The following WDR59 variants were observed in gnomAD, a reference collection of about 807,000 sequenced individuals.
The protein encoded by WDR59 is WD repeat domain 59.
A neutral mutation model predicts 131.2 loss-of-function variants in WDR59; 100 were observed. The observed-to-expected ratio is 0.76, with a 90% confidence interval of 0.65 to 0.90. The LOEUF (loss-of-function observed/expected upper bound fraction) is 0.90. Among genes scored for constraint, WDR59 ranks in the 40% least tolerant of loss-of-function variants. WDR59 has a pLI of 0.00. For synonymous variants in WDR59, 601 were observed against 466.2 expected, an observed-to-expected ratio of 1.29 and a Z score of -3.72; for missense variants, 1,203 against 1,262.2, an observed-to-expected ratio of 0.95 and a Z score of 0.71.
chr16:74,953,727 C>A (rs1476183581), intron 3 of WDR59, among the ~76,000 whole-genome samples: 1 of 151,084 alleles, frequency 6.6e-6, no homozygotes, highest in East Asian at 2.0e-4. Flanking sequence ...CAAGGCCGGG[C>A]GTGGTGTCTC....
chr16:74,947,532 T>C (rs1173613543), intron 6 of WDR59, among the ~76,000 whole-genome samples: 1 of 152,126 alleles, frequency 6.6e-6, no homozygotes, highest in Non-Finnish European at 1.5e-5. Flanking sequence ...ATGAGAAATA[T>C]ATCAACCACT....
chr16:74,879,388 C>T (rs1273041676), intron 25 of WDR59, among the ~76,000 whole-genome samples: 1 of 152,054 alleles, frequency 6.6e-6, no homozygotes, highest in Non-Finnish European at 1.5e-5. Context: ...AACAAATAAG[C>T]TGACAGCATT....
chr16:74,910,395 G>A (rs1226475445), intron 14 of WDR59, among the ~76,000 whole-genome samples: 2 of 152,146 alleles, frequency 1.3e-5, no homozygotes, highest in African/African-American at 4.8e-5. Flanking sequence ...GTTAAAACAG[G>A]ATTCACTCCT....
At chr16:74,878,410 T>G (rs996179371) in intron 25 of WDR59, among the ~76,000 whole-genome samples, 5 of 152,222 alleles carry the variant, frequency 3.3e-5, no homozygotes, top group Non-Finnish European at 1.5e-5. Flanking sequence ...TCTCAGCACT[T>G]TGGGAGGCCA....
intron 18 of WDR59, among the ~76,000 whole-genome samples, chr16:74,899,920 A>C (rs1965468240): frequency 6.6e-6 from 1 of 152,168 alleles, no homozygotes; most frequent in Non-Finnish European, 1.5e-5. Context: ...TCTGAACCTA[A>C]GCACAGCGGA....
intron 18 of WDR59, 39 bp from the exon 19 acceptor site, chr16:74,893,851 G>A (rs1375446639): frequency 1.9e-6 from 3 of 1,606,142 alleles, no homozygotes; most frequent in Non-Finnish European, 2.6e-6. Context: ...TGGGGACTTT[G>A]ACAAGTGGAA....
chr16:74,959,885 G>A (rs1294570220), intron 2 of WDR59, among the ~76,000 whole-genome samples: 4 of 148,966 alleles, frequency 2.7e-5, no homozygotes, highest in African/African-American at 9.8e-5. Flanking sequence ...AGGAAACGGC[G>A]ATAAATGCAG....
At chr16:74,931,453 T>G (rs2031377773) in intron 8 of WDR59, among the ~76,000 whole-genome samples, 1 of 152,062 alleles carries the variant, frequency 6.6e-6, no homozygotes, top group East Asian at 1.9e-4. Context: ...CTCCCACCTC[T>G]GCCTCCCAAG....
At chr16:74,902,616 G>A (rs1965608017) in intron 18 of WDR59, among the ~76,000 whole-genome samples, 1 of 152,054 alleles carries the variant, frequency 6.6e-6, no homozygotes. Flanking sequence ...AATCGGAGAG[G>A]AATTCAGAAC....
In WDR59 at chr16:74,871,974, C is replaced by T. The variant is rs146362410; in HGVS notation, c.*2235G>A. Reference sequence around the variant, plus strand: ...GTTTTGTGCCCAGTAACACAGGGGACGAGGTATAAGCTTCATCCAAAACAG... The same window carrying T: ...GTTTTGTGCCCAGTAACACAGGGGATGAGGTATAAGCTTCATCCAAAACAG... On this transcript the variant is annotated 3_prime_UTR_variant, in exon 26 of 26. Transcript: ENST00000262144. The T allele has an allele frequency of 2.6e-5, 4 of 152,292 alleles. No individual in the cohort carries two copies. Among genetic ancestry groups the T allele is most frequent in the South Asian group, 2.1e-4 (1 of 4,824 alleles). 9.4% of individuals were successfully genotyped at this position (152,292 alleles called of 1,614,324 possible). A position where few individuals can be genotyped will look rare whatever the true frequency, so the allele number is the denominator to read the frequency against.
intron 6 of WDR59, among the ~76,000 whole-genome samples, chr16:74,948,104 G>A (rs2032761437): frequency 6.6e-6 from 1 of 152,172 alleles, no homozygotes; most frequent in Non-Finnish European, 1.5e-5. Context: ...GGATGAAGGT[G>A]GAGGTGAAAT....
At chr16:74,924,604 C>T (rs2030591308) in intron 8 of WDR59, among the ~76,000 whole-genome samples, 1 of 152,170 alleles carries the variant, frequency 6.6e-6, no homozygotes, top group Admixed American at 6.5e-5. Flanking sequence ...TTGTAGAGCA[C>T]ACAAAGTGAG....
chr16:74,881,484 A>T (rs1597626839), intron 25 of WDR59, among the ~76,000 whole-genome samples: 1 of 151,930 alleles, frequency 6.6e-6, no homozygotes, highest in African/African-American at 2.4e-5. Context: ...GTGCAGCTGC[A>T]CCTAGCCTAT....
intron 16 of WDR59, among the ~76,000 whole-genome samples, 196 bp from the exon 17 acceptor site, chr16:74,909,173 T>G (rs1391817032): frequency 1.3e-5 from 2 of 152,046 alleles, no homozygotes; most frequent in African/African-American, 4.8e-5. Flanking sequence ...GGAGAGAGGA[T>G]GTATGTGGAC....
chr16:74,948,668 T>C, intron 5 of WDR59, 112 bp from the exon 6 acceptor site: 2 of 890,608 alleles, frequency 2.2e-6, no homozygotes, highest in South Asian at 1.4e-5. Flanking sequence ...GAACTTGGAG[T>C]AGGTAGATCC....
chr16:74,950,183 A>G (rs1479434643), intron 4 of WDR59, among the ~76,000 whole-genome samples: 4 of 152,114 alleles, frequency 2.6e-5, no homozygotes, highest in Non-Finnish European at 4.4e-5. Flanking sequence ...CTCTACTAAT[A>G]ACACAAAAAT....
At chr16:74,922,165 G>T in intron 9 of WDR59, 62 bp from the exon 10 acceptor site, 1 of 1,585,586 alleles carries the variant, frequency 6.3e-7, no homozygotes, top group Non-Finnish European at 8.6e-7. Flanking sequence ...GCTGAGTCTT[G>T]AGTTTCCAAA....
At chr16:74,900,661 C>T (rs545692701) in intron 18 of WDR59, among the ~76,000 whole-genome samples, 1 of 152,094 alleles carries the variant, frequency 6.6e-6, no homozygotes, top group African/African-American at 2.4e-5. Flanking sequence ...AGGCGTCACA[C>T]GTTTTAAAAT....
At chr16:74,944,141 G>A (rs1400895969) in intron 6 of WDR59, among the ~76,000 whole-genome samples, 1 of 152,130 alleles carries the variant, frequency 6.6e-6, no homozygotes, top group African/African-American at 2.4e-5. Context: ...ACTCTGGGAA[G>A]CCCCCTCAAT....
Sources: gnomAD v4.1 joint callset for allele counts (sites outside exome capture counted in the v4.1 genomes callset) on GRCh38, gnomAD v4.1.1 for gene constraint, MANE v1.5 for transcripts, NCBI Gene and HGNC (gene_info 2026-07-23, HGNC 2026-07-21) for gene names.